The following STARD13 variants were observed in gnomAD, a reference collection of about 807,000 sequenced individuals.
The protein encoded by STARD13 is StAR related lipid transfer domain containing 13.
STARD13 carries 62 observed loss-of-function variants against 106.4 expected under a neutral mutation model. The observed-to-expected ratio is 0.58, with a 90% CI of 0.48 to 0.72. STARD13 has a LOEUF of 0.72. STARD13 is among the 30% of genes least tolerant of loss of function. The pLI is 0.00. For synonymous variants in STARD13, 565 were observed against 553.0 expected, an observed-to-expected ratio of 1.02 and a Z score of -0.31; for missense variants, 1,387 against 1,424.0, an observed-to-expected ratio of 0.97 and a Z score of 0.42.
At chr13:33,118,737 G>A (rs1213788988) in intron 7 of STARD13, among the ~76,000 whole-genome samples, 2 of 152,170 alleles carry the variant, frequency 1.3e-5, no homozygotes, top group Non-Finnish European at 2.9e-5. Context: ...GTGGGTCGTG[G>A]ATGAAAGAAT....
At chr13:33,210,941 G>T (rs1407920582) in intron 1 of STARD13, among the ~76,000 whole-genome samples, 1 of 152,080 alleles carries the variant, frequency 6.6e-6, no homozygotes, top group East Asian at 1.9e-4. Flanking sequence ...TTTTGGTTTA[G>T]ATCTTGGATA....
the STARD13 span, among the ~76,000 whole-genome samples, chr13:33,521,989 T>C: frequency 6.6e-6 from 1 of 152,152 alleles, no homozygotes; most frequent in South Asian, 2.1e-4. Context: ...CTTTTTCCTT[T>C]TTAACTTTCA....
the STARD13 span, among the ~76,000 whole-genome samples, chr13:33,526,303 G>A: frequency 6.6e-6 from 1 of 151,860 alleles, no homozygotes; most frequent in Non-Finnish European, 1.5e-5. Context: ...ATTCATTTAT[G>A]CCCTGTGTTA....
chr13:33,299,312 C>A (rs1334302969), intron 1 of STARD13, among the ~76,000 whole-genome samples: 2 of 152,132 alleles, frequency 1.3e-5, no homozygotes, highest in Non-Finnish European at 2.9e-5. Flanking sequence ...AAAGCTCTAG[C>A]CTCACAACAA....
At chr13:33,387,649 C>T in the STARD13 span, among the ~76,000 whole-genome samples, 1 of 152,196 alleles carries the variant, frequency 6.6e-6, no homozygotes, top group Admixed American at 6.5e-5. Flanking sequence ...AATTTACAGA[C>T]AGGGACAGTG....
chr13:33,517,167 C>T, the STARD13 span, among the ~76,000 whole-genome samples: 5,092 of 152,042 alleles, frequency 0.033, 277 homozygotes, highest in African/African-American at 0.11. Context: ...ACTTTCAACT[C>T]TGCATCATAG....
intron 1 of STARD13, among the ~76,000 whole-genome samples, chr13:33,244,803 A>G (rs1030497670): frequency 5.3e-5 from 8 of 152,228 alleles, no homozygotes; most frequent in South Asian, 2.1e-4. Flanking sequence ...CTGCACAAGA[A>G]AGGAGAAACC....
chr13:33,230,179 G>A (rs1228006658), intron 1 of STARD13, among the ~76,000 whole-genome samples: 5 of 152,214 alleles, frequency 3.3e-5, no homozygotes, highest in Non-Finnish European at 5.9e-5. Flanking sequence ...GTAATTCACT[G>A]AGTCTTATGT....
chr13:33,656,509 A>G, the STARD13 span, among the ~76,000 whole-genome samples: 2 of 152,216 alleles, frequency 1.3e-5, no homozygotes, highest in Non-Finnish European at 2.9e-5. Context: ...GTTTCTCCCA[A>G]TAAGTCTGGT....
Position 33,316,299 on chromosome 13 carries a change from C to T in STARD13, c.124+33991G>A, listed in dbSNP as rs190022753. Among the ~76,000 whole-genome samples, 567 of 152,262 alleles carry T rather than the reference C, an allele frequency of 3.7e-3. 3 individuals are homozygous for T. Among genetic ancestry groups the T allele is most frequent in the Non-Finnish European group, 4.2e-3 (288 of 68,006 alleles). On this transcript the variant is annotated intron_variant, in intron 1 of 5. Transcript: ENST00000567873. ...AAACTTCCATTCAGCCTTCAAAACA[C>T]AGAAATGACTCCTCCTGTTTTGTGA...
intron 1 of STARD13, among the ~76,000 whole-genome samples, chr13:33,209,150 T>G (rs1887577069): frequency 6.6e-6 from 1 of 152,134 alleles, no homozygotes; most frequent in Non-Finnish European, 1.5e-5. Context: ...AGGACTTGTG[T>G]GTTACCCCCA....
intron 1 of STARD13, among the ~76,000 whole-genome samples, chr13:33,218,163 G>GT (rs1888149234): frequency 6.6e-6 from 1 of 152,184 alleles, no homozygotes; most frequent in South Asian, 2.1e-4. Flanking sequence ...CACCCTGAGA[G>GT]TTACCCTATG....
intron 1 of STARD13, among the ~76,000 whole-genome samples, chr13:33,208,522 G>C (rs994728929): frequency 3.9e-5 from 6 of 152,162 alleles, no homozygotes. Context: ...TGCTGGGAGA[G>C]GGTATGGGGA....
At chr13:33,360,726 A>AATCCTT in the STARD13 span, among the ~76,000 whole-genome samples, 13 of 134,672 alleles carry the variant, frequency 9.7e-5, no homozygotes, top group Admixed American at 2.9e-4. Flanking sequence ...AGACAGAAGG[A>AATCCTT]CATATTGTTG....
the STARD13 span, among the ~76,000 whole-genome samples, chr13:33,426,206 G>T: frequency 6.6e-6 from 1 of 152,144 alleles, no homozygotes; most frequent in Non-Finnish European, 1.5e-5. Flanking sequence ...TTTCAAGAAT[G>T]CATATATGTT....
At chr13:33,424,542 T>C in the STARD13 span, among the ~76,000 whole-genome samples, 2 of 152,162 alleles carry the variant, frequency 1.3e-5, no homozygotes, top group Non-Finnish European at 2.9e-5. Flanking sequence ...AGGGGTTCAA[T>C]TGCAAGCCCA....
At chr13:33,482,418 G>A in the STARD13 span, among the ~76,000 whole-genome samples, 1 of 152,130 alleles carries the variant, frequency 6.6e-6, no homozygotes, top group African/African-American at 2.4e-5. Flanking sequence ...TTGCCCATCA[G>A]TATTTTGTCC....
intron 11 of STARD13, 115 bp from the exon 12 acceptor site, chr13:33,110,205 C>T (rs1874330141): frequency 2.4e-6 from 2 of 840,328 alleles, no homozygotes; most frequent in Non-Finnish European, 3.8e-6. Context: ...AAAACCATCA[C>T]TGATTATGTA....
chr13:33,594,027 C>A, the STARD13 span, among the ~76,000 whole-genome samples: 1 of 152,188 alleles, frequency 6.6e-6, no homozygotes, highest in Non-Finnish European at 1.5e-5. Flanking sequence ...CTGCCTCAGC[C>A]TCCCAAGTAG....
Sources: allele counts gnomAD v4.1 joint callset (sites outside exome capture counted in the v4.1 genomes callset), GRCh38; gene constraint gnomAD v4.1.1; transcripts MANE v1.5; gene names NCBI Gene and HGNC (gene_info 2026-07-23, HGNC 2026-07-21).